Variants in FAM227B observed in about 807,000 individuals in gnomAD.
FAM227B encodes protein FAM227B.
FAM227B carries 88 observed loss-of-function variants against 73.8 expected under a neutral mutation model. The observed-to-expected ratio is 1.19, with a 90% CI of 1.00 to 1.42. The LOEUF (loss-of-function observed/expected upper bound fraction) is 1.42, where lower values mean the gene tolerates loss of function less well. Ranked by LOEUF, FAM227B falls within the 40% of genes most tolerant of loss-of-function variation. FAM227B has a pLI of 0.00. For missense variants in FAM227B, 632 were observed against 590.9 expected, an observed-to-expected ratio of 1.07 and a Z score of -0.72; for synonymous variants, 210 against 190.5, an observed-to-expected ratio of 1.10 and a Z score of -0.84.
chr15:49,525,939 G>T (rs1261295743), intron 10 of FAM227B, among the ~76,000 whole-genome samples: 1 of 151,582 alleles, frequency 6.6e-6, no homozygotes, highest in South Asian at 2.1e-4. Flanking sequence ...GAGATGGACA[G>T]CAATACAGTA....
At chr15:49,485,503 T>C (rs1337475461) in intron 11 of FAM227B, 1 of 152,466 alleles carries the variant, frequency 6.6e-6, no homozygotes, top group Non-Finnish European at 1.5e-5. Context: ...GCTGTATCTG[T>C]TTCATATGCT....
chr15:49,385,560 A>G (rs2046828347), intron 11 of FAM227B, among the ~76,000 whole-genome samples: 1 of 151,474 alleles, frequency 6.6e-6, no homozygotes, highest in Admixed American at 6.6e-5. Context: ...ACCTCTTGAA[A>G]GCTTAAAACT....
chr15:49,365,688 C>T, intron 13 of FAM227B: 2 of 922,092 alleles, frequency 2.2e-6, no homozygotes, highest in Non-Finnish European at 3.6e-6. Context: ...TGGCCAACTT[C>T]AGTGTTTTAA....
chr15:49,522,641 G>A (rs998109825), intron 10 of FAM227B, among the ~76,000 whole-genome samples: 20 of 151,896 alleles, frequency 1.3e-4, no homozygotes, highest in African/African-American at 4.8e-4. Context: ...TCAAAATACA[G>A]TTTAAAGCTT....
chr15:49,397,025 G>T (rs1006861706), intron 11 of FAM227B, among the ~76,000 whole-genome samples: 16 of 152,136 alleles, frequency 1.1e-4, no homozygotes, highest in African/African-American at 3.6e-4. Context: ...GAGAGAAGAA[G>T]GCTTCAGATG....
chr15:49,346,051 A>T (rs376093399), intron 13 of FAM227B, among the ~76,000 whole-genome samples: 8 of 145,566 alleles, frequency 5.5e-5, no homozygotes, highest in East Asian at 2.0e-4. Flanking sequence ...TGCTTTTGTT[A>T]TTTTTTTTTT....
chr15:49,585,577 C>T (rs1270666299), intron 5 of FAM227B, among the ~76,000 whole-genome samples: 1 of 151,960 alleles, frequency 6.6e-6, no homozygotes, highest in East Asian at 1.9e-4. Context: ...TCATTCTCAG[C>T]AAACTATCTC....
At chr15:49,430,962 C>A (rs1380001753) in intron 11 of FAM227B, among the ~76,000 whole-genome samples, 1 of 148,718 alleles carries the variant, frequency 6.7e-6, no homozygotes, top group African/African-American at 2.5e-5. Flanking sequence ...GAATGATGCA[C>A]AACATTAGGG....
chr15:49,364,148 CCCT>C (rs1471375865), intron 13 of FAM227B, among the ~76,000 whole-genome samples: 1 of 152,112 alleles, frequency 6.6e-6, no homozygotes, highest in African/African-American at 2.4e-5. Flanking sequence ...AGGAAAGAGT[CCCT>C]CCTCCTCAAT....
At chr15:49,489,266 A>T in intron 11 of FAM227B, 3 of 985,044 alleles carry the variant, frequency 3.0e-6, no homozygotes, top group Non-Finnish European at 3.6e-6. Flanking sequence ...GGGATTCTAC[A>T]GGGTCTAATA....
chr15:49,441,412 G>A (rs1482916554), intron 11 of FAM227B, among the ~76,000 whole-genome samples: 2 of 151,662 alleles, frequency 1.3e-5, no homozygotes, highest in Non-Finnish European at 3.0e-5. Flanking sequence ...AACACAAGAT[G>A]AAGTAAAATA....
chr15:49,353,625 T>A (rs1445338736), intron 13 of FAM227B: 1 of 151,852 alleles, frequency 6.6e-6, no homozygotes, highest in Non-Finnish European at 1.5e-5. Context: ...TTTTTTTTTT[T>A]TTTTGTAAAA....
intron 11 of FAM227B, among the ~76,000 whole-genome samples, chr15:49,474,250 T>C (rs2055044241): frequency 6.6e-6 from 1 of 152,280 alleles, no homozygotes; most frequent in East Asian, 1.9e-4. Flanking sequence ...ATGTAGCTGG[T>C]AAAGAGTCTG....
intron 13 of FAM227B, among the ~76,000 whole-genome samples, chr15:49,359,769 G>A (rs1371196592): frequency 7.4e-6 from 1 of 135,378 alleles, no homozygotes; most frequent in African/African-American, 2.8e-5. Flanking sequence ...AAATCATGCT[G>A]CTATAAAGAC....
chr15:49,458,672 G>A (rs2053531877), intron 11 of FAM227B, among the ~76,000 whole-genome samples: 1 of 151,992 alleles, frequency 6.6e-6, no homozygotes, highest in East Asian at 1.9e-4. Context: ...TAATACTTCA[G>A]AAAACAAAAC....
intron 14 of FAM227B, chr15:49,334,348 G>T: frequency 1.9e-6 from 1 of 527,572 alleles, no homozygotes; most frequent in Non-Finnish European, 2.4e-6. Flanking sequence ...TTACTAATTG[G>T]GAAAGAATAA....
intron 10 of FAM227B, among the ~76,000 whole-genome samples, chr15:49,512,067 C>G (rs182658906): frequency 2.0e-5 from 3 of 152,154 alleles, no homozygotes; most frequent in Admixed American, 2.0e-4. Context: ...TATTATTATA[C>G]TCTCAGTTCT....
intron 11 of FAM227B, among the ~76,000 whole-genome samples, chr15:49,452,566 T>C (rs992209378): frequency 6.6e-6 from 1 of 152,170 alleles, no homozygotes. Context: ...CAAGTTATTA[T>C]TGTTTATTTA....
chr15:49,543,893 T>C (rs944027316), intron 9 of FAM227B, among the ~76,000 whole-genome samples: 1 of 152,202 alleles, frequency 6.6e-6, no homozygotes, highest in African/African-American at 2.4e-5. Flanking sequence ...GGTGTTTTGG[T>C]AACATAGCCT....
Sources: gnomAD v4.1 joint callset for allele counts (sites outside exome capture counted in the v4.1 genomes callset) on GRCh38, gnomAD v4.1.1 for gene constraint, MANE v1.5 for transcripts, NCBI Gene and HGNC (gene_info 2026-07-23, HGNC 2026-07-21) for gene names.